The following OSBP2 variants were observed in gnomAD, a reference collection of about 807,000 sequenced individuals.
The protein encoded by OSBP2 is oxysterol binding protein 2.
In OSBP2, 66 loss-of-function variants were observed where a neutral mutation model predicts 96.0. The ratio of observed to expected loss-of-function variants is 0.69; its 90% CI spans 0.56 to 0.84. The LOEUF (loss-of-function observed/expected upper bound fraction) is 0.84. Ranked by LOEUF, OSBP2 falls within the 40% of genes least tolerant of loss-of-function variation. OSBP2 has a pLI of 0.00. For missense variants in OSBP2, 1,038 were observed against 1,222.7 expected (o/e 0.85, Z 2.25); for synonymous variants, 525 against 520.9 (o/e 1.01, Z -0.11).
intron 2 of OSBP2, among the ~76,000 whole-genome samples, chr22:30,799,376 G>A (rs1285802446): frequency 6.6e-6 from 1 of 152,210 alleles, no homozygotes; most frequent in Non-Finnish European, 1.5e-5. Context: ...TGCCCGGCTT[G>A]GCCTCCCAAA....
chr22:30,796,286 AC>A (rs929995550), intron 2 of OSBP2, among the ~76,000 whole-genome samples: 29 of 152,102 alleles, frequency 1.9e-4, no homozygotes, highest in African/African-American at 7.2e-5. Context: ...CCCTTGGTTA[AC>A]CAAGGACACA....
chr22:30,756,231 C>T (rs2090139142), intron 2 of OSBP2, among the ~76,000 whole-genome samples: 1 of 152,138 alleles, frequency 6.6e-6, no homozygotes, highest in Admixed American at 6.6e-5. Flanking sequence ...TGAGTTCTTC[C>T]TCTCTCTCCT....
intron 2 of OSBP2, among the ~76,000 whole-genome samples, chr22:30,838,598 A>G (rs1379932720): frequency 6.6e-6 from 1 of 152,070 alleles, no homozygotes; most frequent in Non-Finnish European, 1.5e-5. Flanking sequence ...TCTGCACTGT[A>G]TGTTTTTTAC....
Position 30,695,438 on chromosome 22 carries a change from C to T in OSBP2, c.529C>T (p.Leu177=). The T allele has an allele frequency of 1.2e-6, 2 of 1,613,732 alleles. No homozygotes were observed. Among genetic ancestry groups the T allele is most frequent in the Non-Finnish European group, 1.7e-6 (2 of 1,180,036 alleles). Residue 177 remains leucine, a synonymous_variant, in exon 1 of 14, where the codon CTG becomes TTG. Transcript: ENST00000332585. ...SGTGTTSSAP[L]ALLPLDSFEG... ...GACTGGCACGACCTCCAGTGCCCCA[C>T]TGGCCTTACTGCCTCTGGACAGCTT...
chr22:30,786,637 T>C (rs929215752), intron 2 of OSBP2, among the ~76,000 whole-genome samples: 1 of 145,558 alleles, frequency 6.9e-6, no homozygotes, highest in African/African-American at 2.6e-5. Flanking sequence ...AGGAGTACAA[T>C]TGAAAATGAG....
chr22:30,757,614 C>T (rs1398907061), intron 2 of OSBP2, among the ~76,000 whole-genome samples: 1 of 152,002 alleles, frequency 6.6e-6, no homozygotes, highest in East Asian at 1.9e-4. Flanking sequence ...GACAGGGTTC[C>T]ACCATGTTGG....
chr22:30,847,434 A>C (rs907142767), intron 2 of OSBP2, among the ~76,000 whole-genome samples: 1 of 151,544 alleles, frequency 6.6e-6, no homozygotes, highest in African/African-American at 2.4e-5. Flanking sequence ...GGTGCCCACC[A>C]CCACGCCTGG....
chr22:30,725,563 A>C (rs528777998), intron 1 of OSBP2, among the ~76,000 whole-genome samples: 14 of 151,480 alleles, frequency 9.2e-5, no homozygotes, highest in East Asian at 7.7e-4. Context: ...AAAACACACA[A>C]AAAAAACAAA....
At chr22:30,696,820 A>T (rs868470927) in intron 1 of OSBP2, among the ~76,000 whole-genome samples, 1 of 149,062 alleles carries the variant, frequency 6.7e-6, no homozygotes, top group African/African-American at 2.5e-5. Flanking sequence ...TGCCCGGCTA[A>T]TTTTTTTTTT....
chr22:30,768,220 G>T (rs1176999350), intron 2 of OSBP2, among the ~76,000 whole-genome samples: 2 of 152,088 alleles, frequency 1.3e-5, no homozygotes, highest in East Asian at 3.9e-4. Flanking sequence ...TTTGTTCTGA[G>T]CCCCTCCTCA....
intron 2 of OSBP2, among the ~76,000 whole-genome samples, chr22:30,756,452 T>C (rs2090141714): frequency 6.6e-6 from 1 of 152,116 alleles, no homozygotes; most frequent in Non-Finnish European, 1.5e-5. Context: ...ACTTTGACTT[T>C]GGGAGGCTGA....
intron 2 of OSBP2, among the ~76,000 whole-genome samples, chr22:30,860,738 G>A (rs1400771327): frequency 6.6e-6 from 1 of 152,238 alleles, no homozygotes; most frequent in Non-Finnish European, 1.5e-5. Context: ...AGGCAACCCT[G>A]TGGGAACCCT....
chr22:30,701,391 C>T (rs192435043), intron 1 of OSBP2, among the ~76,000 whole-genome samples: 26 of 148,574 alleles, frequency 1.7e-4, no homozygotes, highest in African/African-American at 5.7e-4. Context: ...TAGCCCAGGC[C>T]GGAGTGCAGT....
chr22:30,861,752 G>A (rs2039215427), intron 2 of OSBP2, among the ~76,000 whole-genome samples: 2 of 152,172 alleles, frequency 1.3e-5, no homozygotes, highest in Admixed American at 6.5e-5. Flanking sequence ...AGGCAGATCT[G>A]TTATCTTTCT....
intron 2 of OSBP2, among the ~76,000 whole-genome samples, chr22:30,867,598 C>T (rs1345431115): frequency 6.6e-6 from 1 of 152,208 alleles, no homozygotes; most frequent in African/African-American, 2.4e-5. Context: ...AATCATTGGC[C>T]CAAGTGCCTT....
At chr22:30,894,378 C>A (rs1470286457) in intron 12 of OSBP2, 1 of 210,978 alleles carries the variant, frequency 4.7e-6, no homozygotes, top group African/African-American at 2.3e-5. Context: ...ATTGAGAACC[C>A]TGTGGAATGG....
At chr22:30,806,444 C>G (rs1040750544) in intron 2 of OSBP2, among the ~76,000 whole-genome samples, 1 of 152,182 alleles carries the variant, frequency 6.6e-6, no homozygotes. Flanking sequence ...GCCACATCAT[C>G]CTGTCTCCAG....
At chr22:30,735,400 T>A (rs147650894) in intron 1 of OSBP2, among the ~76,000 whole-genome samples, 2 of 148,630 alleles carry the variant, frequency 1.3e-5, no homozygotes, top group Admixed American at 6.7e-5. Flanking sequence ...TTTTTTCTTC[T>A]CTTCTCTCTC....
At chr22:30,753,581 G>A (rs1602217953) in intron 2 of OSBP2, among the ~76,000 whole-genome samples, 2 of 152,274 alleles carry the variant, frequency 1.3e-5, no homozygotes, top group African/African-American at 4.8e-5. Context: ...GTGGATGGGA[G>A]GGCTGGACAG....
Sources: allele counts gnomAD v4.1 joint callset (sites outside exome capture counted in the v4.1 genomes callset), GRCh38; gene constraint gnomAD v4.1.1; transcripts MANE v1.5; gene names NCBI Gene and HGNC (gene_info 2026-07-23, HGNC 2026-07-21).